NUP160: variants seen among roughly 807,000 people sequenced by gnomAD.
NUP160 encodes the protein nuclear pore complex protein Nup160.
NUP160 carries 94 observed loss-of-function variants against 196.9 expected under a neutral mutation model. The ratio of observed to expected loss-of-function variants is 0.48; its 90% CI spans 0.40 to 0.57. The LOEUF (loss-of-function observed/expected upper bound fraction) is 0.57, where lower values mean the gene tolerates loss of function less well. Among genes scored for constraint, NUP160 ranks in the 20% least tolerant of loss-of-function variants. The probability of loss-of-function intolerance (pLI) is 0.00; values close to 1 mark genes in which losing one functional copy is unlikely to be tolerated. For missense variants in NUP160, 1,638 were observed against 1,748.3 expected (o/e 0.94, Z 1.13); for synonymous variants, 605 against 619.7 (o/e 0.98, Z 0.35).
chr11:47,834,329 A>G (rs1320767457), intron 7 of NUP160, among the ~76,000 whole-genome samples: 5 of 152,192 alleles, frequency 3.3e-5, no homozygotes, highest in Admixed American at 6.5e-5. Flanking sequence ...AGGAAGTTAG[A>G]GCAGGGTCAA....
chr11:47,810,250 T>A (rs2097680337), intron 17 of NUP160, among the ~76,000 whole-genome samples: 1 of 152,026 alleles, frequency 6.6e-6, no homozygotes, highest in South Asian at 2.1e-4. Flanking sequence ...CAGGCAGAAG[T>A]GCAATGGCGC....
chr11:47,837,467 C>A, intron 5 of NUP160, 78 bp downstream of exon 5: 1 of 1,094,852 alleles, frequency 9.1e-7, no homozygotes, highest in Non-Finnish European at 1.4e-6. Flanking sequence ...TGGAATAAGA[C>A]TGGAAACAAT....
chr11:47,795,372 T>C (rs1047326075), intron 27 of NUP160, among the ~76,000 whole-genome samples: 4 of 152,182 alleles, frequency 2.6e-5, no homozygotes, highest in Non-Finnish European at 5.9e-5. Flanking sequence ...TGATATAATG[T>C]TATTGTGAAA....
Position 47,792,175 on chromosome 11 carries a change from G to T in NUP160, c.3451-185C>A. On this transcript the variant is annotated intron_variant, in intron 28 of 35. Coordinates refer to ENST00000378460, the Ensembl canonical transcript of NUP160. ...AAAGAAAGAAGTTCTTTGCCAAGTTGTTAACTTAACCATAACATATTACTG... is the reference window on the plus strand; with the variant it reads ...AAAGAAAGAAGTTCTTTGCCAAGTTTTTAACTTAACCATAACATATTACTG... The T allele has an allele frequency of 1.3e-5, 7 of 544,276 alleles. No individual in the cohort carries two copies. In the South Asian group the frequency reaches 1.9e-4, roughly 15 times the overall value. The allele number at this position is 544,276 out of a possible 1,614,324, so 33.7% of individuals were successfully genotyped here.
intron 13 of NUP160, among the ~76,000 whole-genome samples, chr11:47,814,484 T>C (rs1408769767): frequency 6.7e-6 from 1 of 148,680 alleles, no homozygotes; most frequent in Admixed American, 6.8e-5. Context: ...GAGGTTGCAG[T>C]GAGCCGAGAT....
chr11:47,807,081 G>T (rs1427581674), exon 19 of NUP160: 12 of 1,607,148 alleles, frequency 7.5e-6, no homozygotes, highest in Non-Finnish European at 9.4e-6. Flanking sequence ...AAACCTATTT[G>T]CCATTAAAGC....
chr11:47,783,322 G>C (rs999014435), intron 33 of NUP160, 124 bp from the exon 34 acceptor site: 39 of 1,231,202 alleles, frequency 3.2e-5, no homozygotes, highest in Non-Finnish European at 3.6e-5. Context: ...CCAGTGGCTT[G>C]GTTTACTCAT....
chr11:47,812,555 G>T, intron 15 of NUP160, 126 bp from the exon 16 acceptor site: 1 of 966,286 alleles, frequency 1.0e-6, no homozygotes, highest in Non-Finnish European at 1.5e-6. Flanking sequence ...AATCACTCTG[G>T]CATATAAGAT....
At chr11:47,835,889 T>C (rs1852163956) in intron 6 of NUP160, 80 bp from the exon 7 acceptor site, 2 of 1,146,876 alleles carry the variant, frequency 1.7e-6, no homozygotes, top group South Asian at 3.4e-5. Flanking sequence ...GGATGGACCT[T>C]TCATTGTATC....
intron 11 of NUP160, among the ~76,000 whole-genome samples, chr11:47,817,471 CG>C (rs1851762059): frequency 6.6e-6 from 1 of 151,836 alleles, no homozygotes. Context: ...CTCAGCCTCC[CG>C]AGTAGCTGGG....
At position 47,778,858 on chromosome 11, in the gene NUP160, G is replaced by T. The variant is rs1565182704; in HGVS notation, c.*247C>A. 1.5e-5 allele frequency: 5 copies of T among 340,446 alleles called. No individual in the cohort carries two copies. In the South Asian group the frequency reaches 2.9e-4, roughly 20 times the overall value. 21.1% of individuals were successfully genotyped at this position (340,446 alleles called of 1,614,324 possible). ...TTAAAAAAATATAAACTCTAAAAAA[G>T]CTCGTGAATCATATACAAAAGCAGC... On this transcript the variant is annotated 3_prime_UTR_variant, in exon 36 of 36. Coordinates refer to ENST00000378460, the Ensembl canonical transcript of NUP160.
intron 9 of NUP160, chr11:47,821,276 T>C (rs1599333268): frequency 6.6e-6 from 1 of 150,810 alleles, no homozygotes; most frequent in African/African-American, 2.5e-5. Flanking sequence ...AGGAAGACAG[T>C]AACAAGACGA....
chr11:47,840,124 T>C (rs1045136554), intron 3 of NUP160, 59 bp from the exon 4 acceptor site: 4 of 1,292,866 alleles, frequency 3.1e-6, no homozygotes, highest in East Asian at 2.4e-5. Flanking sequence ...TTTTGCTCAG[T>C]TCCTCTCTAT....
At chr11:47,848,469 G>A (rs1213993160), upstream of NUP160, 59 of 1,372,920 alleles carry the variant, frequency 4.3e-5, no homozygotes, top group Non-Finnish European at 5.7e-5. Flanking sequence ...GGCTTCCACC[G>A]GGAGAATGAG....
chr11:47,843,043 C>T (rs1852335663), intron 2 of NUP160, among the ~76,000 whole-genome samples: 1 of 152,124 alleles, frequency 6.6e-6, no homozygotes, highest in Non-Finnish European at 1.5e-5. Context: ...TAACACTCTA[C>T]CTTCTCAGTT....
At position 47,801,798 on chromosome 11, in the gene NUP160, A is replaced by G; in HGVS notation, c.2895+13T>C. ...CACAGGGTGGTATAAGGCCAAACCA[A>G]GACATGATGTACCTTGTCATAATAC... On this transcript the variant is annotated intron_variant, in intron 23 of 35. Coordinates refer to ENST00000378460, the Ensembl canonical transcript of NUP160. 1.2e-6 allele frequency: 2 copies of G among 1,612,894 alleles called. No individual in the cohort carries two copies. Among genetic ancestry groups the G allele is most frequent in the Non-Finnish European group, 1.7e-6 (2 of 1,179,438 alleles).
exon 33 of NUP160, chr11:47,784,986 C>G (rs751177088): frequency 3.1e-6 from 5 of 1,603,714 alleles, no homozygotes; most frequent in Non-Finnish European, 4.3e-6. Flanking sequence ...GTTGATTACA[C>G]AGTGGTGATA....
Position 47,839,721 on chromosome 11 carries a change from T to A in NUP160, c.748+122A>T. 3 of 811,526 alleles carry A rather than the reference T, an allele frequency of 3.7e-6. No individual in the cohort carries two copies. In the South Asian group the frequency reaches 4.6e-5, roughly 12 times the overall value. The allele number at this position is 811,526 out of a possible 1,614,324, so 50.3% of individuals were successfully genotyped here. On this transcript the variant is annotated intron_variant, in intron 4 of 35. Transcript: ENST00000378460. Reference sequence around the variant, plus strand: ...CATTAGGGACTCATTAGGCAAGCAATAATGAATGACCAGTTCCGGGGCAGT... The same window carrying A: ...CATTAGGGACTCATTAGGCAAGCAAAAATGAATGACCAGTTCCGGGGCAGT...
At chr11:47,821,523 C>T in intron 9 of NUP160, 1 of 526,040 alleles carries the variant, frequency 1.9e-6, no homozygotes, top group South Asian at 2.6e-5. Context: ...CCACCAGGCC[C>T]AGCTAATTTT....
Sources: gnomAD v4.1 joint callset for allele counts (sites outside exome capture counted in the v4.1 genomes callset) on GRCh38, gnomAD v4.1.1 for gene constraint, MANE v1.5 for transcripts, NCBI Gene and HGNC (gene_info 2026-07-23, HGNC 2026-07-21) for gene names.